The following SDK1 variants were observed in gnomAD, a reference collection of about 807,000 sequenced individuals.
SDK1 encodes protein sidekick-1.
In SDK1, 157 loss-of-function variants were observed where a neutral mutation model predicts 245.5. The observed-to-expected ratio is 0.64, with a 90% CI of 0.56 to 0.73. SDK1 has a LOEUF of 0.73. Among genes scored for constraint, SDK1 ranks in the 30% least tolerant of loss-of-function variants. The probability of loss-of-function intolerance (pLI) is 0.00; values close to 1 mark genes in which losing one functional copy is unlikely to be tolerated. For missense variants in SDK1, 3,583 were observed against 3,002.3 expected (o/e 1.19, Z -4.52); for synonymous variants, 1,647 against 1,278.5 (o/e 1.29, Z -6.15).
At chr7:3,326,168 G>A (rs1722421228) in intron 1 of SDK1, among the ~76,000 whole-genome samples, 1 of 152,114 alleles carries the variant, frequency 6.6e-6, no homozygotes, top group South Asian at 2.1e-4. Context: ...GTATATAAAA[G>A]TGTAGAGAAA....
At chr7:4,068,022 C>T in intron 20 of SDK1, 86 bp downstream of exon 20, 1 of 909,234 alleles carries the variant, frequency 1.1e-6, no homozygotes, top group Non-Finnish European at 1.7e-6. Context: ...AAACTGCTGA[C>T]AGCATGGACC....
chr7:3,586,034 A>G (rs1258829759), intron 1 of SDK1, among the ~76,000 whole-genome samples: 4 of 152,168 alleles, frequency 2.6e-5, no homozygotes, highest in Non-Finnish European at 5.9e-5. Context: ...AGAGAGCTAC[A>G]TTGCTGTGCT....
At chr7:3,962,518 C>T (rs1781780775) in intron 8 of SDK1, 139 bp from the exon 9 acceptor site, 3 of 719,364 alleles carry the variant, frequency 4.2e-6, no homozygotes, top group Admixed American at 3.0e-5. Flanking sequence ...AAAATAGCTC[C>T]TTATAGGGTG....
Position 4,050,355 on chromosome 7 carries a change from A to T in SDK1, c.2718+892A>T, listed in dbSNP as rs371485941. Among the ~76,000 whole-genome samples, 9 of 152,368 alleles carry T rather than the reference A, an allele frequency of 5.9e-5. No individual in the cohort carries two copies. The East Asian group carries it at 1.7e-3, about 29-fold the overall frequency. The stretch of plus-strand genomic sequence containing the variant: ...CTGCCTTTCGTTTACCCTCAGAAGT[A>T]TCCAAAGCCAGAAGCTTTTGTGAAA... On this transcript the variant is annotated intron_variant, in intron 18 of 44. Transcript: ENST00000404826.
intron 32 of SDK1, among the ~76,000 whole-genome samples, chr7:4,171,031 A>G (rs2128216316): frequency 6.6e-6 from 1 of 152,342 alleles, no homozygotes; most frequent in South Asian, 2.1e-4. Flanking sequence ...CTTTTCTGCC[A>G]GCTTTCAGCT....
intron 17 of SDK1, among the ~76,000 whole-genome samples, chr7:4,019,738 T>C (rs1237854370): frequency 6.6e-6 from 1 of 152,008 alleles, no homozygotes; most frequent in Non-Finnish European, 1.5e-5. Flanking sequence ...TGGGGGTTGG[T>C]ATACAGAGCC....
chr7:3,363,349 A>G (rs1023369000), intron 1 of SDK1, among the ~76,000 whole-genome samples: 4 of 151,688 alleles, frequency 2.6e-5, no homozygotes, highest in Non-Finnish European at 5.9e-5. Flanking sequence ...TGTACCACAG[A>G]TTGTTTAACC....
chr7:3,695,789 A>T (rs1318923993), intron 4 of SDK1, among the ~76,000 whole-genome samples: 1 of 152,206 alleles, frequency 6.6e-6, no homozygotes, highest in Non-Finnish European at 1.5e-5. Context: ...CAACCGCTAG[A>T]CGTAGCCTGT....
intron 1 of SDK1, among the ~76,000 whole-genome samples, chr7:3,553,521 G>C (rs574176239): frequency 6.6e-6 from 1 of 152,162 alleles, no homozygotes; most frequent in Admixed American, 6.5e-5. Flanking sequence ...TCACCCATCA[G>C]GAGAGGCAGA....
rs1562541 is a variant in SDK1, at chr7:4,268,332, C to G, written c.*2948C>G. The G allele has an allele frequency of 0.49, 502,054 of 1,032,376 alleles. 123,853 individuals carry two copies. Among genetic ancestry groups the G allele is most frequent in the African/African-American group, 0.55 (32,052 of 58,400 alleles). The allele number at this position is 1,032,376 out of a possible 1,614,324, so 64.0% of individuals were successfully genotyped here. ...GGCAGAGATTCCAGGCAGGTGAGCC[C>G]AGAGAGAGCTGCCAGGCCACACCCC... is the stretch of plus-strand genomic sequence containing the variant. On this transcript the variant is annotated 3_prime_UTR_variant, in exon 45 of 45. Transcript: ENST00000404826.
intron 4 of SDK1, among the ~76,000 whole-genome samples, chr7:3,680,229 C>T (rs902986101): frequency 2.0e-5 from 3 of 152,168 alleles, no homozygotes; most frequent in African/African-American, 4.8e-5. Context: ...ATTTATATTG[C>T]ATTCTCAAAA....
intron 16 of SDK1, among the ~76,000 whole-genome samples, chr7:4,013,388 T>A (rs1786138151): frequency 6.6e-6 from 1 of 152,258 alleles, no homozygotes; most frequent in African/African-American, 2.4e-5. Context: ...GTGGACATAT[T>A]TGTTCATTTT....
At chr7:3,844,299 C>T (rs1313833852) in intron 5 of SDK1, among the ~76,000 whole-genome samples, 3 of 152,148 alleles carry the variant, frequency 2.0e-5, no homozygotes, top group African/African-American at 7.2e-5. Flanking sequence ...ACCGTATTGC[C>T]AATTATTTAA....
chr7:3,813,654 A>T (rs1779440111), intron 4 of SDK1, among the ~76,000 whole-genome samples: 1 of 143,456 alleles, frequency 7.0e-6, no homozygotes, highest in Admixed American at 7.0e-5. Flanking sequence ...GTCAAATGGT[A>T]TTTCTAGTTC....
At chr7:3,644,975 G>A (rs1294942147) in intron 4 of SDK1, among the ~76,000 whole-genome samples, 3 of 143,096 alleles carry the variant, frequency 2.1e-5, no homozygotes, top group Admixed American at 7.1e-5. Context: ...TCAAGCACTG[G>A]AGCTTTTAAT....
At chr7:4,259,389 C>T (rs535339440) in intron 44 of SDK1, among the ~76,000 whole-genome samples, 37 of 152,294 alleles carry the variant, frequency 2.4e-4, no homozygotes, top group Admixed American at 2.0e-3. Context: ...GAGCCAAGAT[C>T]GTACCACTGC....
chr7:3,466,390 T>G (rs1329997107), intron 1 of SDK1, among the ~76,000 whole-genome samples: 2 of 150,294 alleles, frequency 1.3e-5, no homozygotes, highest in Non-Finnish European at 3.0e-5. Context: ...CTCTCTGAAG[T>G]TGGAGAAATG....
In SDK1 at chr7:3,723,935, TATATATATAGAG is replaced by T. The variant is rs1339058434; in HGVS notation, c.713+81832_713+81843del. Among the ~76,000 whole-genome samples the T allele has an allele frequency of 2.3e-3, 279 of 120,296 alleles. 8 individuals carry two copies. The highest frequency in any genetic ancestry group is 5.1e-3 in the Middle Eastern group (1 of 198). The allele number at this position is 120,296 out of a possible 152,430, so 78.9% of individuals were successfully genotyped here. A position where few individuals can be genotyped will look rare whatever the true frequency, so the allele number is the denominator to read the frequency against. On this transcript the variant is annotated intron_variant, in intron 4 of 44. Coordinates refer to ENST00000404826, the MANE Select transcript of SDK1 (RefSeq NM_152744.4). ...ATATATATATACACGTATATATATA[TATATATATAGAG>T]AGAGAGAGAGAGAGAGAGAGAGAGA...
chr7:3,651,058 C>T (rs1407003143), intron 4 of SDK1, among the ~76,000 whole-genome samples: 1 of 150,784 alleles, frequency 6.6e-6, no homozygotes. Context: ...CATAAGACTT[C>T]ATTGTGTTCA....
Sources: gnomAD v4.1 joint callset for allele counts (sites outside exome capture counted in the v4.1 genomes callset) on GRCh38, gnomAD v4.1.1 for gene constraint, MANE v1.5 for transcripts, NCBI Gene and HGNC (gene_info 2026-07-23, HGNC 2026-07-21) for gene names.